The following GPC6 variants were observed in gnomAD, a reference collection of about 807,000 sequenced individuals.
GPC6 encodes glypican-6.
Under a neutral mutation model 55.2 loss-of-function variants are expected in GPC6, and 14 were observed. The ratio of observed to expected loss-of-function variants is 0.25; its 90% CI spans 0.17 to 0.40. GPC6 has a LOEUF of 0.40. Ranked by LOEUF, GPC6 falls within the 10% of genes least tolerant of loss-of-function variation. The pLI, the probability that GPC6 is intolerant of heterozygous loss-of-function variation, is 1.00. For missense variants in GPC6, 641 were observed against 708.5 expected (o/e 0.90, Z 1.08); for synonymous variants, 278 against 259.6 (o/e 1.07, Z -0.68).
chr13:93,409,273 A>C (rs915731237), intron 1 of GPC6, among the ~76,000 whole-genome samples: 2 of 151,988 alleles, frequency 1.3e-5, no homozygotes, highest in Non-Finnish European at 2.9e-5. Flanking sequence ...ATTAAGATGG[A>C]CAAAAGTATA....
intron 1 of GPC6, among the ~76,000 whole-genome samples, chr13:93,471,877 G>A (rs1202072093): frequency 1.3e-5 from 2 of 152,160 alleles, no homozygotes; most frequent in African/African-American, 2.4e-5. Flanking sequence ...ACCTATAAAT[G>A]TCAATTAGAT....
intron 4 of GPC6, among the ~76,000 whole-genome samples, chr13:94,045,623 G>T (rs1387282785): frequency 6.6e-6 from 1 of 151,720 alleles, no homozygotes; most frequent in Non-Finnish European, 1.5e-5. Flanking sequence ...TTTAAAACAG[G>T]TAAGGAACTG....
chr13:94,033,516 A>G (rs958305191), intron 4 of GPC6, among the ~76,000 whole-genome samples: 5 of 152,216 alleles, frequency 3.3e-5, no homozygotes, highest in Admixed American at 2.6e-4. Flanking sequence ...CTACTGAGGA[A>G]ACTCAGATTT....
At chr13:94,224,693 T>C (rs1890492799) in intron 4 of GPC6, among the ~76,000 whole-genome samples, 1 of 152,030 alleles carries the variant, frequency 6.6e-6, no homozygotes, top group African/African-American at 2.4e-5. Context: ...TTTTGGAGCA[T>C]TTTTTCTGCT....
intron 1 of GPC6, among the ~76,000 whole-genome samples, chr13:93,279,884 T>C (rs1005017903): frequency 6.6e-6 from 1 of 152,234 alleles, no homozygotes; most frequent in African/African-American, 2.4e-5. Flanking sequence ...TGTCATAGTA[T>C]CTTAAATGAA....
intron 4 of GPC6, among the ~76,000 whole-genome samples, chr13:94,202,925 C>A (rs1395065298): frequency 6.6e-6 from 1 of 152,040 alleles, no homozygotes; most frequent in African/African-American, 2.4e-5. Flanking sequence ...AACTAGAACT[C>A]TCCATGAAAG....
chr13:93,426,343 G>A (rs1007226247), intron 1 of GPC6, among the ~76,000 whole-genome samples: 18 of 151,470 alleles, frequency 1.2e-4, no homozygotes, highest in African/African-American at 3.1e-4. Context: ...CCATTAACTC[G>A]TCATCTAGCA....
chr13:93,561,799 A>T lies in GPC6; in HGVS notation c.319+16378A>T, dbSNP rs146546320. Among the ~76,000 whole-genome samples the T allele has an allele frequency of 2.6e-3, 396 of 152,292 alleles. 4 individuals carry two copies. Among genetic ancestry groups the T allele is most frequent in the Non-Finnish European group, 4.7e-3 (318 of 68,028 alleles). On this transcript the variant is annotated intron_variant, in intron 2 of 8. Transcript: ENST00000377047. The stretch of plus-strand genomic sequence containing the variant: ...ATTCTACCGACAGAGAGCAAAGGTC[A>T]CAGGCTCCTGCCTGAGCAGACATTT...
chr13:93,789,946 A>G (rs1885974587), intron 2 of GPC6, among the ~76,000 whole-genome samples: 1 of 152,080 alleles, frequency 6.6e-6, no homozygotes, highest in Non-Finnish European at 1.5e-5. Context: ...AACTCTTTGA[A>G]TATGCATTTT....
At chr13:94,152,542 A>G (rs1887777628) in intron 4 of GPC6, among the ~76,000 whole-genome samples, 1 of 152,168 alleles carries the variant, frequency 6.6e-6, no homozygotes, top group Admixed American at 6.6e-5. Flanking sequence ...GGTAAAATGT[A>G]AAGTATAATA....
At position 93,308,435 on chromosome 13, in the gene GPC6, T is replaced by C. The variant is rs140018956; in HGVS notation, c.160+80819T>C. The stretch of plus-strand genomic sequence containing the variant: ...AACCAAATTTAAATAATTGGATCTA[T>C]AGTCATGTGTTATTTATTTATTTAG... On this transcript the variant is annotated intron_variant, in intron 1 of 8. Transcript: ENST00000377047. Among the ~76,000 whole-genome samples the C allele has an allele frequency of 9.2e-5, 14 of 152,304 alleles. No homozygotes were observed. The East Asian group carries it at 2.7e-3, about 29-fold the overall frequency.
chr13:93,981,891 T>C (rs1880820292), intron 3 of GPC6, among the ~76,000 whole-genome samples: 1 of 152,218 alleles, frequency 6.6e-6, no homozygotes, highest in East Asian at 1.9e-4. Context: ...CAATGTTTTA[T>C]TTCTCTTTAT....
intron 2 of GPC6, among the ~76,000 whole-genome samples, chr13:93,787,290 A>T (rs1024682930): frequency 6.6e-6 from 1 of 152,198 alleles, no homozygotes; most frequent in Non-Finnish European, 1.5e-5. Context: ...CAGAGGGTAA[A>T]TATTTTCTGC....
At chr13:94,162,514 G>C (rs1049185616) in intron 4 of GPC6, among the ~76,000 whole-genome samples, 2 of 152,138 alleles carry the variant, frequency 1.3e-5, no homozygotes, top group African/African-American at 2.4e-5. Flanking sequence ...TGTGTTGTTG[G>C]CTGGCTCACA....
At chr13:93,461,861 A>T (rs146369931) in intron 1 of GPC6, among the ~76,000 whole-genome samples, 4 of 152,250 alleles carry the variant, frequency 2.6e-5, no homozygotes, top group African/African-American at 9.6e-5. Flanking sequence ...TCTTTACGTT[A>T]TCTCATTCTT....
chr13:93,755,973 C>T lies in GPC6; in HGVS notation c.320-74181C>T, dbSNP rs1365318647. Among the ~76,000 whole-genome samples, 3 of 152,066 alleles carry T rather than the reference C, an allele frequency of 2.0e-5. No homozygotes were observed. The South Asian group carries it at 6.2e-4, about 32-fold the overall frequency. On this transcript the variant is annotated intron_variant, in intron 2 of 8. Coordinates refer to ENST00000377047, the MANE Select transcript of GPC6 (RefSeq NM_005708.5). ...TCCTCTACTGTTATATCTTTTGTTCCACCAATAACTTTATCTCAGAAATTG... is the reference window on the plus strand; with the variant it reads ...TCCTCTACTGTTATATCTTTTGTTCTACCAATAACTTTATCTCAGAAATTG...
chr13:94,110,520 A>G (rs1234052385), intron 4 of GPC6, among the ~76,000 whole-genome samples: 2 of 152,120 alleles, frequency 1.3e-5, no homozygotes, highest in Non-Finnish European at 2.9e-5. Context: ...TGCCTGGCAA[A>G]AATTCATAAG....
intron 4 of GPC6, among the ~76,000 whole-genome samples, chr13:94,090,014 G>A (rs1885424383): frequency 6.6e-6 from 1 of 152,072 alleles, no homozygotes; most frequent in South Asian, 2.1e-4. Context: ...GAAACAAAAT[G>A]TAAGCTATAT....
chr13:93,459,535 C>G (rs9301882), intron 1 of GPC6, among the ~76,000 whole-genome samples: 42,343 of 152,088 alleles, frequency 0.28, 6,059 homozygotes, highest in East Asian at 0.32. Flanking sequence ...AACAGTAGAC[C>G]TGTATTTGCA....
Sources: gnomAD v4.1 joint callset for allele counts (sites outside exome capture counted in the v4.1 genomes callset) on GRCh38, gnomAD v4.1.1 for gene constraint, MANE v1.5 for transcripts, NCBI Gene and HGNC (gene_info 2026-07-23, HGNC 2026-07-21) for gene names.